CYB561A3: variants seen among roughly 807,000 people sequenced by gnomAD.
CYB561A3 encodes the protein lysosomal membrane ascorbate-dependent ferrireductase CYB561A3.
A neutral mutation model predicts 25.3 loss-of-function variants in CYB561A3; 16 were observed. That is an observed-to-expected ratio of 0.63 (90% CI 0.43 to 0.96). The LOEUF is 0.96. Ranked by LOEUF, CYB561A3 falls within the 40% of genes least tolerant of loss-of-function variation. The pLI, the probability that CYB561A3 is intolerant of heterozygous loss-of-function variation, is 0.00. For missense variants in CYB561A3, 219 were observed against 307.5 expected, an observed-to-expected ratio of 0.71 and a Z score of 2.15; for synonymous variants, 131 against 129.9, an observed-to-expected ratio of 1.01 and a Z score of -0.06.
At position 61,349,644 on chromosome 11, in the gene CYB561A3, C is replaced by T. The variant is rs1388363192; in HGVS notation, c.*755G>A. 3 of 702,784 alleles carry T rather than the reference C, an allele frequency of 4.3e-6. No individual in the cohort carries two copies. The highest frequency in any genetic ancestry group is 7.8e-6 in the Non-Finnish European group (3 of 384,984). The allele number at this position is 702,784 out of a possible 1,614,324, so 43.5% of individuals were successfully genotyped here. On this transcript the variant is annotated 3_prime_UTR_variant, in exon 7 of 7. Transcript: ENST00000294072. ...ATCCAGGCCTCAGCTGTAGCAGCAG[C>T]TGGAAGAGGTGGAGCCGCACGGTCA...
chr11:61,350,239 C>T lies in CYB561A3; in HGVS notation c.*160G>A, dbSNP rs1363590413. On this transcript the variant is annotated 3_prime_UTR_variant, in exon 7 of 7. Coordinates refer to ENST00000294072, the MANE Select transcript of CYB561A3 (RefSeq NM_153611.6). ...CCAAGGAAAGCAGACAGGCAGCAAG[C>T]GGCCGGAGAGGGCAGGCCAGCACCC... 1.2e-5 allele frequency: 11 copies of T among 903,626 alleles called. No individual in the cohort carries two copies. Among genetic ancestry groups the T allele is most frequent in the Admixed American group, 5.4e-5 (2 of 37,084 alleles). The allele number at this position is 903,626 out of a possible 1,614,324, so 56.0% of individuals were successfully genotyped here. A position where few individuals can be genotyped will look rare whatever the true frequency, so the allele number is the denominator to read the frequency against.
chr11:61,351,375 C>T (rs190571289), intron 5 of CYB561A3: 3,852 of 357,916 alleles, frequency 0.011, 58 homozygotes, highest in African/African-American at 0.042. Context: ...CTGCAAGCTC[C>T]GCCTCCTGGG....
intron 1 of CYB561A3, chr11:61,360,862 C>T (rs1857835381): frequency 6.6e-6 from 1 of 152,196 alleles, no homozygotes; most frequent in Non-Finnish European, 1.5e-5. Context: ...CCTGTAATCC[C>T]AGCTACTTGG....
intron 1 of CYB561A3, chr11:61,361,270 C>T (rs1380422014): frequency 6.6e-6 from 1 of 152,226 alleles, no homozygotes; most frequent in Non-Finnish European, 1.5e-5. Flanking sequence ...TCCCTCTCAG[C>T]TCTGAGGATT....
chr11:61,353,347 C>T, intron 4 of CYB561A3: 1 of 671,584 alleles, frequency 1.5e-6, no homozygotes, highest in South Asian at 1.9e-5. Context: ...GCTTAGCTAC[C>T]ATCCCACTCC....
chr11:61,357,276 TA>T, intron 2 of CYB561A3: 1 of 1,541,872 alleles, frequency 6.5e-7, no homozygotes, highest in Non-Finnish European at 8.8e-7. Flanking sequence ...ACTGGAGAGG[TA>T]ACCAGGCCTT....
chr11:61,352,648 G>C, intron 5 of CYB561A3: 1 of 401,826 alleles, frequency 2.5e-6, no homozygotes, highest in Admixed American at 5.1e-5. Flanking sequence ...GCGACAGAGT[G>C]AGACTCCATC....
intron 3 of CYB561A3, among the ~76,000 whole-genome samples, chr11:61,355,806 C>T (rs144396804): frequency 1.3e-5 from 2 of 152,100 alleles, no homozygotes; most frequent in East Asian, 3.9e-4. Flanking sequence ...AACTACAGCT[C>T]AGGTCGGGCA....
chr11:61,356,793 G>A, intron 2 of CYB561A3, 65 bp from the exon 3 acceptor site: 1 of 1,568,950 alleles, frequency 6.4e-7, no homozygotes, highest in South Asian at 1.2e-5. Context: ...GGCTAAAGGA[G>A]GTAACACTGA....
intron 1 of CYB561A3, chr11:61,358,242 C>T (rs946751085): frequency 6.6e-6 from 1 of 151,936 alleles, no homozygotes; most frequent in African/African-American, 2.4e-5. Flanking sequence ...ATGGTGAAAC[C>T]CCGGTCTCTA....
In CYB561A3 at chr11:61,356,540, G is replaced by T; in HGVS notation, c.174C>A (p.Phe58Leu). ...PVLMVAGMVV[F>L]YGGASLVYRL... ...TGACCTCTTACTCACCACCTCCATA[G>T]AATACCACCATGCCAGCAACCATAA... The change falls in exon 3 of 7, where the codon TTC becomes TTA. Residue 58 changes from phenylalanine (F) to leucine (L), a missense_variant. Physicochemically the swap from Phe to Leu is conservative, Grantham distance 22 (BLOSUM62 0). Coordinates refer to ENST00000294072, the MANE Select transcript of CYB561A3 (RefSeq NM_153611.6). 1 of 1,613,880 alleles carries T rather than the reference G, an allele frequency of 6.2e-7. No individual in the cohort carries two copies. The highest frequency in any genetic ancestry group is 8.5e-7 in the Non-Finnish European group (1 of 1,179,950).
intron 6 of CYB561A3, 24 bp from the exon 7 acceptor site, chr11:61,350,446 G>A: frequency 2.5e-6 from 4 of 1,610,654 alleles, no homozygotes; most frequent in Non-Finnish European, 3.4e-6. Flanking sequence ...CAGATGCCCA[G>A]GAGTTAATGA....
rs1857288242 is a variant in CYB561A3, at chr11:61,349,335, G to A, written c.*1064C>T. ...TCTGAAGGTGGCAGTGGCTCCCAGG[G>A]CTGCTGCACACTGGACACCACAACT... On this transcript the variant is annotated 3_prime_UTR_variant, in exon 7 of 7. Coordinates refer to ENST00000294072, the MANE Select transcript of CYB561A3 (RefSeq NM_153611.6). 1.8e-6 allele frequency: 1 copy of A among 543,278 alleles called. No individual in the cohort carries two copies. The highest frequency in any genetic ancestry group is 3.3e-6 in the Non-Finnish European group (1 of 299,076). The allele number at this position is 543,278 out of a possible 1,614,324, so 33.7% of individuals were successfully genotyped here. A position where few individuals can be genotyped will look rare whatever the true frequency, so the allele number is the denominator to read the frequency against.
rs763723433 is a variant in CYB561A3 at position 61,350,999 on chromosome 11, C to G, written c.697G>C (p.Asp233His). The stretch of plus-strand genomic sequence containing the variant: ...GGGACTGGAACCCATACCTGTCTGT[C>G]GGTCAGGATCCCCGGCTCTGGGCGC... ...WKRPEPGILT[D>H]RQPLLHDGE The change falls in exon 6 of 7, where the codon GAC becomes CAC. Residue 233 changes from aspartate (D) to histidine (H), a missense_variant. Coordinates refer to ENST00000294072, the MANE Select transcript of CYB561A3 (RefSeq NM_153611.6). 16 of 1,613,194 alleles carry G rather than the reference C, an allele frequency of 9.9e-6. No individual in the cohort carries two copies. The highest frequency in any genetic ancestry group is 1.4e-5 in the Non-Finnish European group (16 of 1,179,596).
chr11:61,352,451 G>A (rs1257688650), intron 5 of CYB561A3: 1 of 160,236 alleles, frequency 6.2e-6, no homozygotes, highest in African/African-American at 2.4e-5. Context: ...CATGAGGTCA[G>A]GAGTCCGAGA....
intron 2 of CYB561A3, chr11:61,356,931 C>T (rs1857674345): frequency 2.1e-6 from 3 of 1,445,224 alleles, no homozygotes; most frequent in South Asian, 1.5e-5. Flanking sequence ...ACTGAGGCCC[C>T]ACCCCAGCAC....
At chr11:61,354,653 A>AG (rs1336700752) in intron 3 of CYB561A3, 1 of 151,968 alleles carries the variant, frequency 6.6e-6, no homozygotes, top group Non-Finnish European at 1.5e-5. Flanking sequence ...AAAAAAGTGG[A>AG]GGGGGGAAGC....
intron 3 of CYB561A3, 59 bp from the exon 4 acceptor site, chr11:61,354,051 G>C: frequency 6.3e-7 from 1 of 1,580,204 alleles, no homozygotes; most frequent in Middle Eastern, 2.0e-4. Flanking sequence ...CCAGACATCA[G>C]GGAATAACCC....
Position 61,349,699 on chromosome 11 carries a change from G to C in CYB561A3, c.*700C>G. 1.4e-6 allele frequency: 1 copy of C among 701,068 alleles called. No homozygotes were observed. The highest frequency in any genetic ancestry group is 2.6e-6 in the Non-Finnish European group (1 of 383,960). 43.4% of individuals were successfully genotyped at this position (701,068 alleles called of 1,614,324 possible). On this transcript the variant is annotated 3_prime_UTR_variant, in exon 7 of 7. Transcript: ENST00000294072. ...ACATGCAGACACAGAGCAGCAATACGAAACAGAACAGCTCAGAGCGGTCAG... is the reference window on the plus strand; with the variant it reads ...ACATGCAGACACAGAGCAGCAATACCAAACAGAACAGCTCAGAGCGGTCAG...
Sources: allele counts gnomAD v4.1 joint callset (sites outside exome capture counted in the v4.1 genomes callset), GRCh38; gene constraint gnomAD v4.1.1; transcripts MANE v1.5; gene names NCBI Gene and HGNC (gene_info 2026-07-23, HGNC 2026-07-21).